The following SBNO1 variants were observed in gnomAD, a reference collection of about 807,000 sequenced individuals.
SBNO1 encodes strawberry notch homolog 1.
A neutral mutation model predicts 173.6 loss-of-function variants in SBNO1; 23 were observed. The observed-to-expected ratio is 0.13, with a 90% confidence interval of 0.10 to 0.19. The LOEUF (loss-of-function observed/expected upper bound fraction) is 0.19, where lower values mean the gene tolerates loss of function less well. Ranked by LOEUF, SBNO1 falls within the 10% of genes least tolerant of loss-of-function variation. The pLI is 1.00. For synonymous variants in SBNO1, 632 were observed against 571.5 expected, an observed-to-expected ratio of 1.11 and a Z score of -1.51; for missense variants, 1,238 against 1,671.2, an observed-to-expected ratio of 0.74 and a Z score of 4.52.
chr12:123,351,775 G>A (rs1318640636), intron 1 of SBNO1, among the ~76,000 whole-genome samples: 1 of 152,174 alleles, frequency 6.6e-6, no homozygotes, highest in South Asian at 2.1e-4. Context: ...AGAGAAAGAA[G>A]GGGAAATGGA....
chr12:123,304,002 C>G (rs2048855298), intron 29 of SBNO1, among the ~76,000 whole-genome samples: 1 of 128,624 alleles, frequency 7.8e-6, no homozygotes, highest in South Asian at 2.6e-4. Flanking sequence ...TCTCGGCTTA[C>G]TGCAAGCCTC....
intron 4 of SBNO1, among the ~76,000 whole-genome samples, 155 bp from the exon 5 acceptor site, chr12:123,341,243 G>C (rs898613185): frequency 1.2e-4 from 18 of 152,128 alleles, no homozygotes; most frequent in African/African-American, 3.1e-4. Context: ...AAGGTCAGGA[G>C]TTCAAGACCA....
Position 123,328,830 on chromosome 12 carries a change from A to T in SBNO1, c.1200T>A (p.Thr400=). The part of the protein sequence containing the change: ...GSVKKGVIFA[T]YSSLIGESQS... ...GGCTTTCACCAATAAGTGAAGAGTAAGTAGCAAAAATAACACCCTTTTTCA... is the reference window on the plus strand; with the variant it reads ...GGCTTTCACCAATAAGTGAAGAGTATGTAGCAAAAATAACACCCTTTTTCA... Residue 400 remains threonine (T), a synonymous_variant, in exon 10 of 32, where the codon ACT becomes ACA. Coordinates refer to ENST00000602398, the MANE Select transcript of SBNO1 (RefSeq NM_001167856.3). 6.2e-7 allele frequency: 1 copy of T among 1,609,048 alleles called. No homozygotes were observed. Among genetic ancestry groups the T allele is most frequent in the Non-Finnish European group, 8.5e-7 (1 of 1,176,570 alleles).
At position 123,313,816 on chromosome 12, in the gene SBNO1, CG is replaced by C. The variant is rs527360906; in HGVS notation, c.3121-98del. 1.7e-5 allele frequency: 12 copies of C among 696,424 alleles called. No individual in the cohort carries two copies. The African/African-American group carries it at 1.9e-4, about 11-fold the overall frequency. 43.1% of individuals were successfully genotyped at this position (696,424 alleles called of 1,614,324 possible). ...TACTATAAAAACTACTGGCTGGGTG[CG>C]GTGGCTCATGCCTGTAATCCCAGCA... is the stretch of plus-strand genomic sequence containing the variant. On this transcript the variant is annotated intron_variant, in intron 23 of 31. Transcript: ENST00000602398.
intron 30 of SBNO1, among the ~76,000 whole-genome samples, chr12:123,300,969 A>C (rs1015839450): frequency 2.7e-5 from 4 of 145,486 alleles, no homozygotes; most frequent in African/African-American, 4.9e-5. Context: ...CAAAAAAAAA[A>C]CAAAAAAAAA....
intron 28 of SBNO1, among the ~76,000 whole-genome samples, chr12:123,306,213 A>G (rs1022385947): frequency 6.6e-6 from 1 of 152,136 alleles, no homozygotes; most frequent in Non-Finnish European, 1.5e-5. Flanking sequence ...CTATACTTAG[A>G]GGATAGTGTT....
chr12:123,331,911 G>T (rs1030721451), intron 7 of SBNO1, among the ~76,000 whole-genome samples: 6 of 152,080 alleles, frequency 3.9e-5, no homozygotes, highest in African/African-American at 1.2e-4. Context: ...GAAGTGCAGT[G>T]GCACAATCTC....
intron 30 of SBNO1, among the ~76,000 whole-genome samples, chr12:123,301,581 G>A (rs1222831732): frequency 6.6e-6 from 1 of 152,172 alleles, no homozygotes; most frequent in Non-Finnish European, 1.5e-5. Context: ...CAGAGTATAA[G>A]AGTATACGAG....
chr12:123,303,732 C>T (rs1478288372), intron 29 of SBNO1, among the ~76,000 whole-genome samples: 1 of 151,616 alleles, frequency 6.6e-6, no homozygotes, highest in African/African-American at 2.4e-5. Flanking sequence ...CGGTGGCTGA[C>T]ACCTGTTAAT....
At chr12:123,311,740 ATATATATATT>A (rs1214733894) in intron 24 of SBNO1, among the ~76,000 whole-genome samples, 1 of 121,164 alleles carries the variant, frequency 8.3e-6, no homozygotes. Context: ...ATATATATAT[ATATATATATT>A]TTTGCGACAG....
intron 15 of SBNO1, 53 bp downstream of exon 15, chr12:123,325,449 G>T (rs2138984355): frequency 7.8e-7 from 1 of 1,276,506 alleles, no homozygotes; most frequent in Admixed American, 1.7e-5. Context: ...TTGGAACTAA[G>T]GTAAGGAAGA....
At chr12:123,347,486 A>G (rs996432286) in intron 3 of SBNO1, among the ~76,000 whole-genome samples, 3 of 151,078 alleles carry the variant, frequency 2.0e-5, no homozygotes, top group African/African-American at 7.3e-5. Context: ...CTGGCCTCCA[A>G]AAGTGTTGGG....
In SBNO1 at chr12:123,321,600, A is replaced by T; in HGVS notation, c.2258T>A (p.Met753Lys). The T allele has an allele frequency of 6.2e-7, 1 of 1,613,458 alleles. No individual in the cohort carries two copies. Among genetic ancestry groups the T allele is most frequent in the Non-Finnish European group, 8.5e-7 (1 of 1,179,382 alleles). Residue 753 changes from methionine (M) to lysine (K), a missense_variant, in exon 17 of 32, where the codon ATG becomes AAG. Around this residue, in one of 14 missense-constraint regions of SBNO1, gnomAD observed 81 missense variants for 82.6 expected, o/e 0.98. Coordinates refer to ENST00000602398, the MANE Select transcript of SBNO1 (RefSeq NM_001167856.3). Reference sequence around the variant, plus strand: ...GAAATCGTCATCATCTCCAGAACTCATGTTTTTAGAGCTCTCATAGTCACT... The same window carrying T: ...GAAATCGTCATCATCTCCAGAACTCTTGTTTTTAGAGCTCTCATAGTCACT... The part of the protein sequence containing the change: ...EESDYESSKN[M>K]SSGDDDDFNP...
intron 9 of SBNO1, among the ~76,000 whole-genome samples, chr12:123,330,194 T>C (rs565949485): frequency 6.6e-6 from 1 of 152,326 alleles, no homozygotes; most frequent in African/African-American, 2.4e-5. Context: ...GACTGGTCAC[T>C]TACACTGTTC....
At chr12:123,309,966 C>T (rs2049012599) in intron 25 of SBNO1, 110 bp from the exon 26 acceptor site, 1 of 812,122 alleles carries the variant, frequency 1.2e-6, no homozygotes, top group East Asian at 2.5e-5. Flanking sequence ...TCCTTCTTAA[C>T]TCTTACACTG....
chr12:123,354,088 G>A (rs1874167717), intron 1 of SBNO1, among the ~76,000 whole-genome samples: 1 of 152,172 alleles, frequency 6.6e-6, no homozygotes, highest in East Asian at 1.9e-4. Context: ...CTAACAATGA[G>A]CATTTAAGTA....
intron 4 of SBNO1, among the ~76,000 whole-genome samples, chr12:123,343,025 T>G (rs1212094841): frequency 2.0e-5 from 3 of 152,166 alleles, no homozygotes; most frequent in Non-Finnish European, 2.9e-5. Flanking sequence ...GCTGATCACT[T>G]GAGGTCAGGA....
At chr12:123,323,914 A>G (rs1389875062) in intron 15 of SBNO1, 83 bp from the exon 16 acceptor site, 2 of 1,075,420 alleles carry the variant, frequency 1.9e-6, no homozygotes, top group African/African-American at 3.3e-5. Flanking sequence ...ATTGAAATAT[A>G]CTTTGTTCAG....
intron 21 of SBNO1, among the ~76,000 whole-genome samples, chr12:123,316,506 G>A (rs959941983): frequency 7.2e-5 from 11 of 152,020 alleles, no homozygotes; most frequent in African/African-American, 2.4e-4. Flanking sequence ...TTACAGGCGT[G>A]AGCCGCTGCG....
Sources: gnomAD v4.1 joint callset for allele counts (sites outside exome capture counted in the v4.1 genomes callset) on GRCh38, gnomAD v4.1.1 for gene constraint, gnomAD v4.1.1 regional missense constraint, MANE v1.5 for transcripts, NCBI Gene and HGNC (gene_info 2026-07-23, HGNC 2026-07-21) for gene names.